The following KCNQ1 variants were observed in gnomAD, a reference collection of about 807,000 sequenced individuals.
KCNQ1 encodes the protein potassium voltage-gated channel subfamily Q member 1.
KCNQ1 carries 49 observed loss-of-function variants against 72.4 expected under a neutral mutation model. The observed-to-expected ratio is 0.68, with a 90% CI of 0.54 to 0.86. KCNQ1 has a LOEUF of 0.86. KCNQ1 is among the 40% of genes least tolerant of loss of function. The pLI, the probability that KCNQ1 is intolerant of heterozygous loss-of-function variation, is 0.00. For synonymous variants in KCNQ1, 450 were observed against 412.6 expected (o/e 1.09, Z -1.10); for missense variants, 790 against 945.1 (o/e 0.84, Z 2.15).
At chr11:2,800,120 G>T (rs997856461) in intron 15 of KCNQ1, among the ~76,000 whole-genome samples, 47 of 152,184 alleles carry the variant, frequency 3.1e-4, no homozygotes, top group Admixed American at 2.1e-3. Context: ...AGTTCCCAGG[G>T]CTCTGACCCT....
At chr11:2,799,868 G>A (rs1013802468) in intron 15 of KCNQ1, among the ~76,000 whole-genome samples, 56 of 152,160 alleles carry the variant, frequency 3.7e-4, no homozygotes, top group African/African-American at 1.3e-3. Context: ...GAGGGTGTGT[G>A]TTTTCGGTGC....
At chr11:2,619,778 A>G in intron 10 of KCNQ1, 3 of 397,090 alleles carry the variant, frequency 7.6e-6, no homozygotes, top group Non-Finnish European at 1.3e-5. Flanking sequence ...AAGTATTGGT[A>G]TTCTTTGAAT....
intron 6 of KCNQ1, among the ~76,000 whole-genome samples, chr11:2,581,992 G>A (rs1390796136): frequency 6.6e-5 from 10 of 152,208 alleles, no homozygotes; most frequent in African/African-American, 2.4e-4. Context: ...GGCCATAAGC[G>A]AACGTGCGGT....
intron 15 of KCNQ1, among the ~76,000 whole-genome samples, chr11:2,807,466 G>A (rs1233974136): frequency 2.0e-5 from 3 of 152,184 alleles, no homozygotes; most frequent in African/African-American, 4.8e-5. Context: ...CTCCGGGCCC[G>A]GGGCCAGCGC....
At chr11:2,835,928 G>A (rs1848054404) in intron 15 of KCNQ1, among the ~76,000 whole-genome samples, 1 of 152,130 alleles carries the variant, frequency 6.6e-6, no homozygotes, top group Admixed American at 6.5e-5. Context: ...AGATGACAGG[G>A]CAGTGACAGG....
At position 2,456,782 on chromosome 11, in the gene KCNQ1, A is replaced by C. The variant is rs1414352399; in HGVS notation, c.386+11298A>C. 1.3e-3 allele frequency among the ~76,000 whole-genome samples: 176 copies of C among 135,702 alleles called. 1 individual carries two copies. The highest frequency in any genetic ancestry group is 4.6e-3 in the African/African-American group (146 of 31,676). 89.0% of individuals were successfully genotyped at this position (135,702 alleles called of 152,430 possible). On this transcript the variant is annotated intron_variant, in intron 1 of 15. Coordinates refer to ENST00000155840, the MANE Select transcript of KCNQ1 (RefSeq NM_000218.3). ...TAAAAATCCAAAAAAAAAAAAAAAA[A>C]AAAAAAATTAGCCGGGCGTGGGGGT...
chr11:2,829,943 G>T (rs1471601578), intron 15 of KCNQ1, among the ~76,000 whole-genome samples: 1 of 146,648 alleles, frequency 6.8e-6, no homozygotes, highest in Non-Finnish European at 1.5e-5. Flanking sequence ...GGTGGGGAGG[G>T]GGAGGGGGAG....
intron 1 of KCNQ1, among the ~76,000 whole-genome samples, chr11:2,517,708 A>G (rs1056063850): frequency 1.3e-5 from 2 of 152,168 alleles, no homozygotes; most frequent in Non-Finnish European, 2.9e-5. Flanking sequence ...CGGTTTGGCC[A>G]GTGGGACCAT....
intron 11 of KCNQ1, among the ~76,000 whole-genome samples, chr11:2,741,277 C>T (rs1448106465): frequency 6.6e-6 from 1 of 152,182 alleles, no homozygotes; most frequent in Non-Finnish European, 1.5e-5. Flanking sequence ...TTTACTCTGC[C>T]GCTGAGTGAC....
chr11:2,466,692 C>T (rs1319212056), intron 1 of KCNQ1, among the ~76,000 whole-genome samples: 1 of 152,216 alleles, frequency 6.6e-6, no homozygotes, highest in African/African-American at 2.4e-5. Flanking sequence ...TGCTGGCCAG[C>T]CTTGTCCAGG....
In KCNQ1 at chr11:2,583,494, C is replaced by T. The variant is rs1848536339; in HGVS notation, c.981C>T (p.Thr327=). The part of the protein sequence containing the change: ...DKVPQTWVGK[T]IASCFSVFAI... ...TGCCCCAGACGTGGGTCGGGAAGAC[C>T]ATCGCCTCCTGCTTCTCTGTCTTTG... is the stretch of plus-strand genomic sequence containing the variant. Residue 327 remains threonine, a synonymous_variant, in exon 7 of 16, where the codon ACC becomes ACT. Coordinates refer to ENST00000155840, the MANE Select transcript of KCNQ1 (RefSeq NM_000218.3). 2 of 1,613,962 alleles carry T rather than the reference C, an allele frequency of 1.2e-6. No individual in the cohort carries two copies. Among genetic ancestry groups the T allele is most frequent in the Admixed American group, 1.7e-5 (1 of 60,008 alleles).
chr11:2,590,612 G>A (rs901753603), intron 10 of KCNQ1, among the ~76,000 whole-genome samples: 4 of 152,212 alleles, frequency 2.6e-5, no homozygotes, highest in Admixed American at 2.0e-4. Flanking sequence ...CAGACATCAC[G>A]CACGTGGGCC....
At chr11:2,692,241 G>A in intron 11 of KCNQ1, 1 of 398,838 alleles carries the variant, frequency 2.5e-6, no homozygotes, top group South Asian at 1.3e-4. Flanking sequence ...ATCACCTCAA[G>A]CCCATCACCA....
At position 2,621,840 on chromosome 11, in the gene KCNQ1, G is replaced by T; in HGVS notation, c.1393+32986G>T. ...CAAAAATTGAAGTCTTAGTTTTACT[G>T]ACTTTTTTCCCCTATGGTTTTTCTT... On this transcript the variant is annotated intron_variant, in intron 10 of 15. Coordinates refer to ENST00000155840, the MANE Select transcript of KCNQ1 (RefSeq NM_000218.3). The surrounding 1 kb of genome is among the most constrained non-coding windows in gnomAD (Gnocchi z 5.7). 1 of 398,124 alleles carries T rather than the reference G, an allele frequency of 2.5e-6. No individual in the cohort carries two copies. The highest frequency in any genetic ancestry group is 1.3e-4 in the South Asian group (1 of 7,802). The allele number at this position is 398,124 out of a possible 1,614,324, so 24.7% of individuals were successfully genotyped here.
intron 10 of KCNQ1, chr11:2,625,652 T>C (rs1849250516): frequency 5.0e-6 from 2 of 397,244 alleles, no homozygotes; most frequent in Admixed American, 4.4e-5. Context: ...CTCGGCTTAC[T>C]GCAACCTCTG....
intron 11 of KCNQ1, among the ~76,000 whole-genome samples, chr11:2,754,923 G>A (rs1477188596): frequency 1.3e-5 from 2 of 152,292 alleles, no homozygotes; most frequent in South Asian, 2.1e-4. Context: ...GCAGACTGGC[G>A]ATTGCACTAG....
chr11:2,829,605 AG>A (rs577983022), intron 15 of KCNQ1, among the ~76,000 whole-genome samples: 4 of 152,192 alleles, frequency 2.6e-5, no homozygotes, highest in Non-Finnish European at 5.9e-5. Flanking sequence ...TGTGTTGGAA[AG>A]ATAAGGGAGT....
chr11:2,686,199 C>T (rs1400891017), intron 11 of KCNQ1: 2 of 398,702 alleles, frequency 5.0e-6, no homozygotes, highest in Admixed American at 4.4e-5. Flanking sequence ...CTGCCCAAAA[C>T]CCTGCTCCAA....
intron 2 of KCNQ1, among the ~76,000 whole-genome samples, chr11:2,556,116 T>C (rs184084346): frequency 7.2e-5 from 11 of 152,146 alleles, no homozygotes; most frequent in African/African-American, 2.2e-4. Flanking sequence ...TGTGGAAGGG[T>C]TCCCGGTCGA....
Sources: allele counts gnomAD v4.1 joint callset (sites outside exome capture counted in the v4.1 genomes callset), GRCh38; gene constraint gnomAD v4.1.1; non-coding constraint Gnocchi (gnomAD v3.1); transcripts MANE v1.5; gene names NCBI Gene and HGNC (gene_info 2026-07-23, HGNC 2026-07-21).